The following DSE variants were observed in gnomAD, a reference collection of about 807,000 sequenced individuals.
DSE encodes dermatan sulfate epimerase.
A neutral mutation model predicts 84.4 loss-of-function variants in DSE; 36 were observed. The observed-to-expected ratio is 0.43, with a 90% CI of 0.33 to 0.56. DSE has a LOEUF of 0.56. Among genes scored for constraint, DSE ranks in the 20% least tolerant of loss-of-function variants. The pLI, the probability that DSE is intolerant of heterozygous loss-of-function variation, is 0.06. For synonymous variants in DSE, 410 were observed against 430.1 expected (o/e 0.95, Z 0.58); for missense variants, 862 against 1,169.6 (o/e 0.74, Z 3.84).
At chr6:116,274,580 C>CAA (rs1290685063) in intron 2 of DSE, among the ~76,000 whole-genome samples, 15 of 103,406 alleles carry the variant, frequency 1.5e-4, no homozygotes, top group African/African-American at 3.9e-4. Flanking sequence ...AACTCTGTCT[C>CAA]AAAAAAAAAA....
intron 2 of DSE, among the ~76,000 whole-genome samples, chr6:116,315,015 C>A (rs1775884259): frequency 6.6e-6 from 1 of 152,112 alleles, no homozygotes. Flanking sequence ...TCTTCCAGCC[C>A]CAGAGTGAAA....
chr6:116,410,414 T>C (rs952813019), intron 2 of DSE, among the ~76,000 whole-genome samples: 1 of 152,134 alleles, frequency 6.6e-6, no homozygotes, highest in Non-Finnish European at 1.5e-5. Context: ...TCTTGCTCAT[T>C]TTTTAAATGT....
intron 2 of DSE, among the ~76,000 whole-genome samples, chr6:116,340,626 C>G (rs1402092075): frequency 6.6e-6 from 1 of 152,074 alleles, no homozygotes; most frequent in African/African-American, 2.4e-5. Flanking sequence ...TCTCCTAATG[C>G]TATCCCTCCC....
chr6:116,302,065 T>C (rs1383291672), intron 2 of DSE, among the ~76,000 whole-genome samples: 1 of 152,192 alleles, frequency 6.6e-6, no homozygotes. Flanking sequence ...TTCCAAGTCT[T>C]TGCTATTGAG....
intron 3 of DSE, 116 bp from the exon 4 acceptor site, chr6:116,430,838 A>G: frequency 2.1e-6 from 3 of 1,433,206 alleles, no homozygotes; most frequent in Non-Finnish European, 2.8e-6. Context: ...GAGTTTTACA[A>G]AACGCGATTT....
intron 5 of DSE, among the ~76,000 whole-genome samples, chr6:116,433,773 G>C (rs901820803): frequency 6.6e-5 from 10 of 151,870 alleles, no homozygotes; most frequent in African/African-American, 2.4e-4. Context: ...TAGATACAGG[G>C]GTACATGTGC....
At chr6:116,285,759 A>G (rs1481436812) in intron 2 of DSE, among the ~76,000 whole-genome samples, 3 of 152,186 alleles carry the variant, frequency 2.0e-5, no homozygotes, top group African/African-American at 7.2e-5. Flanking sequence ...TTTTCCCAAC[A>G]CCAGTTATTC....
At chr6:116,319,029 G>A (rs569731687) in intron 2 of DSE, among the ~76,000 whole-genome samples, 1 of 152,206 alleles carries the variant, frequency 6.6e-6, no homozygotes, top group South Asian at 2.1e-4. Context: ...AAATTGAGGG[G>A]AATAGGCTAG....
In DSE at chr6:116,443,014, G is replaced by A. The variant is rs1784476508; in HGVS notation, c.*5669G>A. 6.6e-6 allele frequency: 1 copy of A among 152,180 alleles called. No homozygotes were observed. Among genetic ancestry groups the A allele is most frequent in the Non-Finnish European group, 1.5e-5 (1 of 68,036 alleles). The allele number at this position is 152,180 out of a possible 1,614,324, so 9.4% of individuals were successfully genotyped here. The stretch of plus-strand genomic sequence containing the variant: ...CTGCTTAGAAATCGCTGCAAGCAAT[G>A]GCAAGCCATTAAAGAATTTTCTTTT... On this transcript the variant is annotated 3_prime_UTR_variant, in exon 6 of 6. Coordinates refer to ENST00000644252, the MANE Select transcript of DSE (RefSeq NM_013352.4).
At chr6:116,424,701 A>T (rs1016921705) in intron 2 of DSE, among the ~76,000 whole-genome samples, 3 of 152,244 alleles carry the variant, frequency 2.0e-5, no homozygotes, top group African/African-American at 7.2e-5. Flanking sequence ...ATATACATAG[A>T]CATATTCATA....
Position 116,435,856 on chromosome 6 carries a change from A to G in DSE, c.1388A>G (p.Asn463Ser), listed in dbSNP as rs144957600. ...CAAAACTCATTTACTTTTGCTCCCA[A>G]TGGTGTGCCTTTCATTACTGAGGCT... is the stretch of plus-strand genomic sequence containing the variant. ...PDQNSFTFAP[N>S]GVPFITEALY... Residue 463 changes from asparagine to serine, a missense_variant, in exon 6 of 6, where the codon AAT (asparagine) becomes AGT (serine). Coordinates refer to ENST00000644252, the MANE Select transcript of DSE (RefSeq NM_013352.4). The G allele has an allele frequency of 2.4e-5, 39 of 1,614,152 alleles. No individual in the cohort carries two copies. The highest frequency in any genetic ancestry group is 8.0e-5 in the African/African-American group (6 of 75,038).
At position 116,399,368 on chromosome 6, in the gene DSE, T is replaced by G. The variant is rs766256179; in HGVS notation, c.118T>G (p.Tyr40Asp). 1 of 1,614,128 alleles carries G rather than the reference T, an allele frequency of 6.2e-7. No individual in the cohort carries two copies. Among genetic ancestry groups the G allele is most frequent in the Admixed American group, 1.7e-5 (1 of 60,024 alleles). The change falls in exon 2 of 6, where the codon TAC becomes GAC. Residue 40 changes from tyrosine to aspartate, a missense_variant. Physicochemically the swap from Tyr to Asp is radical, Grantham distance 160. Transcript: ENST00000644252. ...EVMIPFTNAN[Y>D]DSHPMLYFSR... is the part of the protein sequence containing the mutation. ...TATGATTCCCTTCACCAATGCCAAC[T>G]ACGACAGCCATCCCATGCTGTACTT...
intron 2 of DSE, among the ~76,000 whole-genome samples, chr6:116,344,765 C>T (rs1280587357): frequency 2.0e-5 from 3 of 152,308 alleles, no homozygotes; most frequent in South Asian, 2.1e-4. Flanking sequence ...ATCAAATTCA[C>T]ACATAACAAT....
At chr6:116,401,093 C>A (rs972060288) in intron 2 of DSE, 3 of 152,172 alleles carry the variant, frequency 2.0e-5, no homozygotes, top group Middle Eastern at 3.4e-3. Flanking sequence ...AAGTAATGGA[C>A]TGTGAAATAC....
At chr6:116,388,290 T>C (rs1365912237) in intron 1 of DSE, among the ~76,000 whole-genome samples, 3 of 152,170 alleles carry the variant, frequency 2.0e-5, no homozygotes, top group Non-Finnish European at 4.4e-5. Context: ...AGAAGACCAA[T>C]GTTCCAGCCC....
intron 3 of DSE, 106 bp from the exon 4 acceptor site, chr6:116,430,844 GATTT>G: frequency 6.8e-7 from 1 of 1,462,128 alleles, no homozygotes; most frequent in African/African-American, 1.4e-5. Context: ...TACAAAACGC[GATTT>G]GTAATATAAA....
At chr6:116,382,125 G>C (rs180844032) in intron 1 of DSE, among the ~76,000 whole-genome samples, 96 of 151,738 alleles carry the variant, frequency 6.3e-4, no homozygotes, top group African/African-American at 2.2e-3. Context: ...GTAGGGGTCT[G>C]CCCTATTCCA....
intron 2 of DSE, among the ~76,000 whole-genome samples, chr6:116,416,477 A>T (rs1488029546): frequency 1.3e-5 from 2 of 151,478 alleles, no homozygotes; most frequent in African/African-American, 4.9e-5. Context: ...GAATCTTTAG[A>T]TTTTTATTCT....
At chr6:116,379,519 G>C (rs1354351196) in intron 1 of DSE, among the ~76,000 whole-genome samples, 1 of 152,032 alleles carries the variant, frequency 6.6e-6, no homozygotes, top group Non-Finnish European at 1.5e-5. Flanking sequence ...TGGTTTTAAT[G>C]AGAACCCAAG....
Sources: gnomAD v4.1 joint callset for allele counts (sites outside exome capture counted in the v4.1 genomes callset) on GRCh38, gnomAD v4.1.1 for gene constraint, MANE v1.5 for transcripts, NCBI Gene and HGNC (gene_info 2026-07-23, HGNC 2026-07-21) for gene names.